Variants in TBXAS1 observed in about 807,000 individuals in gnomAD.
TBXAS1 encodes thromboxane A synthase 1, also known as thromboxane-A synthase.
Under a neutral mutation model 60.7 loss-of-function variants are expected in TBXAS1, and 48 were observed. That is an observed-to-expected ratio of 0.79 (90% CI 0.63 to 1.01). The LOEUF (loss-of-function observed/expected upper bound fraction) is 1.01. Among genes scored for constraint, TBXAS1 ranks in the 50% least tolerant of loss-of-function variants. The pLI is 0.00. For missense variants in TBXAS1, 685 were observed against 686.3 expected (o/e 1.00, Z 0.02); for synonymous variants, 287 against 269.7 (o/e 1.06, Z -0.63).
chr7:140,007,065 T>C, intron 9 of TBXAS1, 26 bp from the exon 10 acceptor site: 2 of 1,605,388 alleles, frequency 1.2e-6, no homozygotes, highest in Non-Finnish European at 1.7e-6. Flanking sequence ...CACGAACTTC[T>C]CCCTTTGTCA....
intron 9 of TBXAS1, among the ~76,000 whole-genome samples, chr7:139,985,781 C>T (rs917015597): frequency 4.6e-5 from 7 of 152,220 alleles, no homozygotes; most frequent in South Asian, 4.1e-4. Context: ...ATGTCCAGCA[C>T]GGAACTGGAG....
chr7:139,792,725 A>T (rs73475971), intron 4 of TBXAS1, among the ~76,000 whole-genome samples: 1,730 of 152,296 alleles, frequency 0.011, 22 homozygotes, highest in African/African-American at 0.04. Context: ...TGGGTCCTAG[A>T]CTTCCAAGTC....
chr7:139,875,385 C>T (rs1314152055), intron 2 of TBXAS1, among the ~76,000 whole-genome samples, 200 bp from the exon 3 acceptor site: 1 of 152,148 alleles, frequency 6.6e-6, no homozygotes, highest in African/African-American at 2.4e-5. Flanking sequence ...CTCTCCTGTC[C>T]AAGACTTTTA....
At chr7:139,940,360 G>A (rs1233779888) in intron 5 of TBXAS1, among the ~76,000 whole-genome samples, 1 of 152,124 alleles carries the variant, frequency 6.6e-6, no homozygotes, top group African/African-American at 2.4e-5. Flanking sequence ...CTAAGTCACT[G>A]GTTCTCAAAC....
Position 139,784,964 on chromosome 7 carries a change from C to A in TBXAS1, c.-169+2235C>A, listed in dbSNP as rs563184767. On this transcript the variant is annotated intron_variant, in intron 3 of 16. Coordinates refer to the TBXAS1 transcript ENST00000336425. The stretch of plus-strand genomic sequence containing the variant: ...CATTTCTCAAAGTGTGGTCCTTGGG[C>A]TGCCTGCATCGAAGGGGCTTTCTAA... 3.3e-5 allele frequency among the ~76,000 whole-genome samples: 5 copies of A among 152,300 alleles called. No individual in the cohort carries two copies. In the South Asian group the frequency reaches 1.0e-3, roughly 32 times the overall value.
At chr7:139,804,632 G>C (rs1797799067) in intron 4 of TBXAS1, among the ~76,000 whole-genome samples, 1 of 152,196 alleles carries the variant, frequency 6.6e-6, no homozygotes, top group African/African-American at 2.4e-5. Context: ...GAGGGACACA[G>C]TGGGAGGTAA....
At chr7:139,840,118 CTT>C (rs1799338294) in intron 1 of TBXAS1, among the ~76,000 whole-genome samples, 1 of 151,930 alleles carries the variant, frequency 6.6e-6, no homozygotes, top group South Asian at 2.1e-4. Context: ...ATTATTAAGA[CTT>C]AAGTTTACCA....
upstream of TBXAS1, among the ~76,000 whole-genome samples, chr7:139,828,740 T>A (rs1798519909): frequency 1.3e-5 from 2 of 152,170 alleles, no homozygotes; most frequent in South Asian, 4.1e-4. Flanking sequence ...CAACTCACCA[T>A]GAGAACACTG....
At chr7:139,989,352 G>A (rs913258795) in intron 9 of TBXAS1, among the ~76,000 whole-genome samples, 11 of 152,180 alleles carry the variant, frequency 7.2e-5, no homozygotes, top group African/African-American at 1.4e-4. Flanking sequence ...GGCCACTTCC[G>A]TGGGCCCAGT....
intron 9 of TBXAS1, among the ~76,000 whole-genome samples, chr7:140,001,490 C>T (rs935882323): frequency 2.0e-5 from 3 of 152,240 alleles, no homozygotes; most frequent in South Asian, 2.1e-4. Flanking sequence ...CTCCCAGGCT[C>T]GAGCAATTTT....
chr7:139,872,148 A>C, intron 1 of TBXAS1, 87 bp from the exon 2 acceptor site: 1 of 1,350,274 alleles, frequency 7.4e-7, no homozygotes, highest in Non-Finnish European at 1.1e-6. Flanking sequence ...TTACTTCCAG[A>C]GAGCTCAGTA....
chr7:139,890,167 G>A (rs1803450635), intron 3 of TBXAS1, among the ~76,000 whole-genome samples: 1 of 147,926 alleles, frequency 6.8e-6, no homozygotes, highest in South Asian at 2.1e-4. Flanking sequence ...ATGCAGCAAT[G>A]TCCTTCGACA....
chr7:139,853,696 G>A (rs1463686512), intron 1 of TBXAS1, among the ~76,000 whole-genome samples: 2 of 152,146 alleles, frequency 1.3e-5, no homozygotes, highest in Non-Finnish European at 2.9e-5. Context: ...ACCGGAGGCA[G>A]ATGTCCCTCT....
intron 3 of TBXAS1, among the ~76,000 whole-genome samples, chr7:139,881,977 T>A (rs1802735345): frequency 6.6e-6 from 1 of 152,206 alleles, no homozygotes; most frequent in South Asian, 2.1e-4. Context: ...GCAATCAAAA[T>A]AACAAGGTCG....
chr7:139,840,333 C>T (rs138907221), intron 1 of TBXAS1, among the ~76,000 whole-genome samples: 4 of 152,196 alleles, frequency 2.6e-5, no homozygotes, highest in Non-Finnish European at 5.9e-5. Flanking sequence ...AAAGGCATCC[C>T]GCCTCCAGCA....
At chr7:139,847,142 A>C (rs1799873824) in intron 1 of TBXAS1, among the ~76,000 whole-genome samples, 1 of 152,204 alleles carries the variant, frequency 6.6e-6, no homozygotes. Flanking sequence ...CTATTTCTTG[A>C]AAAGTGCACA....
chr7:139,883,527 G>T (rs1187069522), intron 3 of TBXAS1, among the ~76,000 whole-genome samples: 1 of 152,166 alleles, frequency 6.6e-6, no homozygotes, highest in Non-Finnish European at 1.5e-5. Flanking sequence ...TAAAGATCAA[G>T]AACCTGTATT....
chr7:139,877,855 GTCTCAT>G (rs1026233329), intron 3 of TBXAS1, among the ~76,000 whole-genome samples: 1 of 150,940 alleles, frequency 6.6e-6, no homozygotes, highest in African/African-American at 2.4e-5. Flanking sequence ...CTTTCAAACA[GTCTCAT>G]TCTGCAGCTG....
At chr7:139,860,397 C>T (rs1170879992) in intron 1 of TBXAS1, among the ~76,000 whole-genome samples, 1 of 152,214 alleles carries the variant, frequency 6.6e-6, no homozygotes, top group East Asian at 1.9e-4. Context: ...GATCTACATA[C>T]ACTATAAGTT....
Sources: gnomAD v4.1 joint callset for allele counts (sites outside exome capture counted in the v4.1 genomes callset) on GRCh38, gnomAD v4.1.1 for gene constraint, MANE v1.5 for transcripts, NCBI Gene and HGNC (gene_info 2026-07-23, HGNC 2026-07-21) for gene names.